The following PCYT2 variants were observed in gnomAD, a reference collection of about 807,000 sequenced individuals.
PCYT2 encodes the protein phosphate cytidylyltransferase 2, ethanolamine.
In PCYT2, 33 loss-of-function variants were observed where a neutral mutation model predicts 50.0. The observed-to-expected ratio is 0.66, with a 90% confidence interval of 0.50 to 0.88. The LOEUF (loss-of-function observed/expected upper bound fraction) is 0.88. Ranked by LOEUF, PCYT2 falls within the 40% of genes least tolerant of loss-of-function variation. The pLI is 0.00. For missense variants in PCYT2, 430 were observed against 519.7 expected (o/e 0.83, Z 1.68); for synonymous variants, 240 against 203.7 (o/e 1.18, Z -1.52).
Position 81,903,672 on chromosome 17 carries a change from G to A in PCYT2, c.*1161C>T, listed in dbSNP as rs1598312454. ...CCTTGGCCCCTGGCTCGGAGAGCAG[G>A]GTGACAGGCTGCCTTCCTGGGCTGT... is the stretch of plus-strand genomic sequence containing the variant. On this transcript the variant is annotated 3_prime_UTR_variant, in exon 13 of 13. Transcript: ENST00000538936. 6.6e-6 allele frequency: 1 copy of A among 152,442 alleles called. No individual in the cohort carries two copies. The highest frequency in any genetic ancestry group is 2.4e-5 in the African/African-American group (1 of 41,586). The allele number at this position is 152,442 out of a possible 1,614,324, so 9.4% of individuals were successfully genotyped here. A position where few individuals can be genotyped will look rare whatever the true frequency, so the allele number is the denominator to read the frequency against.
intron 1 of PCYT2, chr17:81,910,989 C>T (rs2040567278): frequency 1.0e-6 from 1 of 993,034 alleles, no homozygotes; most frequent in South Asian, 4.7e-5. Flanking sequence ...AGCAGGGAGG[C>T]CGTGGCTCCA....
At chr17:81,907,141 C>A in intron 6 of PCYT2, 1 of 1,350,790 alleles carries the variant, frequency 7.4e-7, no homozygotes, top group Non-Finnish European at 1.0e-6. Flanking sequence ...GGCAAGGAGC[C>A]CTGTGGCAGG....
Position 81,901,528 on chromosome 17 carries a change from A to G in PCYT2, c.*3305T>C, listed in dbSNP as rs1217613790. On this transcript the variant is annotated 3_prime_UTR_variant, in exon 13 of 13. Transcript: ENST00000538936. The stretch of plus-strand genomic sequence containing the variant: ...CAGTGCCTGTCCTGGGAAGATACCC[A>G]AGAGAAGACATGACCAGGACCTTGG... 1.3e-5 allele frequency: 2 copies of G among 152,304 alleles called. No homozygotes were observed. The highest frequency in any genetic ancestry group is 4.8e-5 in the African/African-American group (2 of 41,460). The allele number at this position is 152,304 out of a possible 1,614,324, so 9.4% of individuals were successfully genotyped here. A position where few individuals can be genotyped will look rare whatever the true frequency, so the allele number is the denominator to read the frequency against.
At chr17:81,911,000 G>A (rs147615180) in intron 1 of PCYT2, 83 of 994,780 alleles carry the variant, frequency 8.3e-5, no homozygotes, top group Non-Finnish European at 9.6e-5. Flanking sequence ...CGTGGCTCCA[G>A]ATCTCAGCGC....
At position 81,901,450 on chromosome 17, in the gene PCYT2, C is replaced by T. The variant is rs926662439; in HGVS notation, c.*3383G>A. On this transcript the variant is annotated 3_prime_UTR_variant, in exon 13 of 13. Transcript: ENST00000538936. ...CAGTCAAGCTGACACTCAGCATTCA[C>T]CATCACACCTGGGAAGCATGGAACC... 3.3e-5 allele frequency: 5 copies of T among 152,370 alleles called. No individual in the cohort carries two copies. Among genetic ancestry groups the T allele is most frequent in the African/African-American group, 1.2e-4 (5 of 41,458 alleles). The allele number at this position is 152,370 out of a possible 1,614,324, so 9.4% of individuals were successfully genotyped here. A position where few individuals can be genotyped will look rare whatever the true frequency, so the allele number is the denominator to read the frequency against.
chr17:81,910,827 C>A, intron 1 of PCYT2: 1 of 940,696 alleles, frequency 1.1e-6, no homozygotes, highest in Non-Finnish European at 1.3e-6. Context: ...GCATTCTAGC[C>A]CCGCGGAGGA....
chr17:81,906,943 GGT>G, intron 6 of PCYT2, 45 bp from the exon 7 acceptor site: 1 of 1,593,414 alleles, frequency 6.3e-7, no homozygotes, highest in Admixed American at 1.7e-5. Flanking sequence ...AGGCCTCCCA[GGT>G]GCTGCCCTCA....
Position 81,904,850 on chromosome 17 carries a change from G to T in PCYT2, c.1153C>A (p.Arg385Ser). ...CTGCCAGGTTAGAAGTCACCATCGC[G>T]CTCCCCCAGGGGCTGTGCCGCCTGC... Reference protein sequence around the residue: ...RQQAAQPLGERDGDF With the variant: ...RQQAAQPLGESDGDF Residue 385 changes from arginine (R) to serine (S), a missense_variant, in exon 13 of 13, where the codon CGC becomes AGC. Physicochemically the swap from Arg to Ser is moderately radical, Grantham distance 110. Transcript: ENST00000538936. 6.2e-7 allele frequency: 1 copy of T among 1,609,484 alleles called. No homozygotes were observed.
At chr17:81,907,953 G>T in intron 4 of PCYT2, 96 bp from the exon 5 acceptor site, 1 of 1,031,732 alleles carries the variant, frequency 9.7e-7, no homozygotes, top group Non-Finnish European at 1.4e-6. Context: ...CCCTGCTGTG[G>T]CAGAACCCAC....
rs755482135 is a variant in PCYT2, at chr17:81,902,612, C to T, written c.*2221G>A. 31 of 1,569,220 alleles carry T rather than the reference C, an allele frequency of 2.0e-5. No individual in the cohort carries two copies. The South Asian group carries it at 3.4e-4, about 17-fold the overall frequency. Reference sequence around the variant, plus strand: ...CGGCCCCTCAGCCTTTGCTTGCCTGCCCCCCAGGCTGTGTGCGTCCAGGAC... The same window carrying T: ...CGGCCCCTCAGCCTTTGCTTGCCTGTCCCCCAGGCTGTGTGCGTCCAGGAC... On this transcript the variant is annotated 3_prime_UTR_variant, in exon 13 of 13. Transcript: ENST00000538936.
In PCYT2 at chr17:81,907,602, C is replaced by T; in HGVS notation, c.493-4G>A. 6.2e-7 allele frequency: 1 copy of T among 1,611,542 alleles called. No individual in the cohort carries two copies. Among genetic ancestry groups the T allele is most frequent in the Non-Finnish European group, 8.5e-7 (1 of 1,179,296 alleles). On this transcript the variant is annotated splice_region_variant and splice_polypyrimidine_tract_variant and intron_variant, in intron 5 of 12. Transcript: ENST00000538936. ...CCCGGTACTCAGAGGACATCTCCTGCACAGAAGGTCAGAGCAGGGCTGAGG... is the reference window on the plus strand; with the variant it reads ...CCCGGTACTCAGAGGACATCTCCTGTACAGAAGGTCAGAGCAGGGCTGAGG...
chr17:81,901,835 G>A lies in PCYT2; in HGVS notation c.*2998C>T, dbSNP rs2039964176. Reference sequence around the variant, plus strand: ...AGCCACATGGACTCTGATGCCTGGAGCCAAGAATACCCCTTAGGGTGGTAG... The same window carrying A: ...AGCCACATGGACTCTGATGCCTGGAACCAAGAATACCCCTTAGGGTGGTAG... On this transcript the variant is annotated 3_prime_UTR_variant, in exon 13 of 13. Coordinates refer to ENST00000538936, the MANE Select transcript of PCYT2 (RefSeq NM_002861.5). 6.5e-6 allele frequency: 1 copy of A among 154,208 alleles called. No homozygotes were observed. Among genetic ancestry groups the A allele is most frequent in the African/African-American group, 2.4e-5 (1 of 41,544 alleles). The allele number at this position is 154,208 out of a possible 1,614,324, so 9.6% of individuals were successfully genotyped here.
intron 12 of PCYT2, 46 bp downstream of exon 12, chr17:81,905,020 G>C (rs1198902910): frequency 6.3e-7 from 1 of 1,592,408 alleles, no homozygotes; most frequent in East Asian, 2.2e-5. Flanking sequence ...AAGTCTAGCG[G>C]AGAGCGCCCA....
rs142214100 is a variant in PCYT2 at position 81,911,053 on chromosome 17, C to T, written c.89+214G>A. 8.9e-5 allele frequency: 89 copies of T among 999,238 alleles called. No homozygotes were observed. The African/African-American group carries it at 1.5e-3, about 17-fold the overall frequency. The allele number at this position is 999,238 out of a possible 1,614,324, so 61.9% of individuals were successfully genotyped here. ...GGTCGGCGTGACCGGGCGGGGCCTC[C>T]GCCAGAGGTAGACGGGGTCGCCCAC... is the stretch of plus-strand genomic sequence containing the variant. On this transcript the variant is annotated intron_variant, in intron 1 of 12. Coordinates refer to ENST00000538936, the MANE Select transcript of PCYT2 (RefSeq NM_002861.5).
In PCYT2 at chr17:81,906,091, C is replaced by A; in HGVS notation, c.837+9G>T. On this transcript the variant is annotated intron_variant, in intron 9 of 12. Transcript: ENST00000538936. Reference sequence around the variant, plus strand: ...CCCATCCTTGGGCTGGCTCCTGGCCCCCACTCACCCGGCAGGCCAGCACGC... The same window carrying A: ...CCCATCCTTGGGCTGGCTCCTGGCCACCACTCACCCGGCAGGCCAGCACGC... 6.2e-7 allele frequency: 1 copy of A among 1,606,752 alleles called. No homozygotes were observed. The highest frequency in any genetic ancestry group is 8.5e-7 in the Non-Finnish European group (1 of 1,175,946).
chr17:81,908,442 G>T, intron 4 of PCYT2, 126 bp downstream of exon 4: 1 of 696,220 alleles, frequency 1.4e-6, no homozygotes, highest in African/African-American at 1.8e-5. Flanking sequence ...CCAGTCCTGG[G>T]CGTGAGGAAC....
At chr17:81,907,033 C>T in intron 6 of PCYT2, 135 bp from the exon 7 acceptor site, 1 of 1,169,818 alleles carries the variant, frequency 8.5e-7, no homozygotes, top group Non-Finnish European at 1.2e-6. Context: ...GGACACACTG[C>T]CAGGCCAGGT....
In PCYT2 at chr17:81,901,003, A is replaced by G. The variant is rs1390069756; in HGVS notation, c.*3830T>C. ...TTTATTGGGAGTATTGACTCACGTGATCACAAGGTGAAGTCCCACAATAAG... is the reference window on the plus strand; with the variant it reads ...TTTATTGGGAGTATTGACTCACGTGGTCACAAGGTGAAGTCCCACAATAAG... On this transcript the variant is annotated 3_prime_UTR_variant, in exon 13 of 13. Coordinates refer to ENST00000538936, the MANE Select transcript of PCYT2 (RefSeq NM_002861.5). The G allele has an allele frequency of 6.6e-6, 1 of 152,200 alleles. No individual in the cohort carries two copies. The highest frequency in any genetic ancestry group is 2.4e-5 in the African/African-American group (1 of 41,436). 9.4% of individuals were successfully genotyped at this position (152,200 alleles called of 1,614,324 possible).
At chr17:81,909,623 G>GGAA in intron 1 of PCYT2, 21 bp from the exon 2 acceptor site, 1 of 1,598,846 alleles carries the variant, frequency 6.3e-7, no homozygotes, top group Non-Finnish European at 8.6e-7. Context: ...AGAGAGAGTG[G>GGAA]GTGGTCCCTG....
Sources: gnomAD v4.1 joint callset for allele counts on GRCh38, gnomAD v4.1.1 for gene constraint, MANE v1.5 for transcripts, NCBI Gene and HGNC (gene_info 2026-07-23, HGNC 2026-07-21) for gene names.